The following GABBR2 variants were observed in gnomAD, a reference collection of about 807,000 sequenced individuals.
GABBR2 encodes gamma-aminobutyric acid type B receptor subunit 2.
A neutral mutation model predicts 105.6 loss-of-function variants in GABBR2; 23 were observed. The observed-to-expected ratio is 0.22, with a 90% CI of 0.16 to 0.31. GABBR2 has a LOEUF of 0.31. Ranked by LOEUF, GABBR2 falls within the 10% of genes least tolerant of loss-of-function variation. The pLI is 1.00. For synonymous variants in GABBR2, 478 were observed against 499.7 expected (o/e 0.96, Z 0.58); for missense variants, 734 against 1,245.5 (o/e 0.59, Z 6.18).
intron 7 of GABBR2, among the ~76,000 whole-genome samples, chr9:98,448,738 T>A (rs1826180540): frequency 6.6e-6 from 1 of 152,182 alleles, no homozygotes; most frequent in Admixed American, 6.5e-5. Flanking sequence ...ATTTAGCCTG[T>A]CATAGGCACC....
Position 98,396,934 on chromosome 9 carries a change from C to A in GABBR2, c.1298-2679G>T, listed in dbSNP as rs188828509. Among the ~76,000 whole-genome samples the A allele has an allele frequency of 1.5e-3, 229 of 152,298 alleles. 1 individual carries two copies. Among genetic ancestry groups the A allele is most frequent in the Middle Eastern group, 3.4e-3 (1 of 292 alleles). On this transcript the variant is annotated intron_variant, in intron 8 of 18. Coordinates refer to ENST00000259455, the MANE Select transcript of GABBR2 (RefSeq NM_005458.8). ...GGGCAATGTTGGAGGCTCACAGGCGCTTCACAAGTTCCTGCATTTAATGCT... is the reference window on the plus strand; with the variant it reads ...GGGCAATGTTGGAGGCTCACAGGCGATTCACAAGTTCCTGCATTTAATGCT...
chr9:98,442,835 T>C (rs1826055619), intron 7 of GABBR2, among the ~76,000 whole-genome samples: 1 of 152,246 alleles, frequency 6.6e-6, no homozygotes, highest in Non-Finnish European at 1.5e-5. Context: ...TCCGTATCTC[T>C]GCTTCATCAT....
intron 12 of GABBR2, among the ~76,000 whole-genome samples, chr9:98,364,497 G>A (rs1831641989): frequency 6.6e-6 from 1 of 152,174 alleles, no homozygotes; most frequent in African/African-American, 2.4e-5. Context: ...CCTGCAAGGG[G>A]CATAGATGGC....
chr9:98,662,572 A>G (rs1043105863), intron 1 of GABBR2, among the ~76,000 whole-genome samples: 2 of 152,238 alleles, frequency 1.3e-5, no homozygotes, highest in East Asian at 3.9e-4. Context: ...AGAGCTCCAG[A>G]GAAGGGTAAA....
At chr9:98,453,670 G>T (rs987294932) in intron 7 of GABBR2, among the ~76,000 whole-genome samples, 2 of 152,214 alleles carry the variant, frequency 1.3e-5, no homozygotes, top group Non-Finnish European at 2.9e-5. Flanking sequence ...GCTCTAAAAT[G>T]TAAATAGCCA....
chr9:98,444,879 GCA>G (rs34280193), intron 7 of GABBR2, among the ~76,000 whole-genome samples: 6,858 of 150,954 alleles, frequency 0.045, 295 homozygotes, highest in African/African-American at 0.11. Flanking sequence ...GCGCGCGCGC[GCA>G]CACACACACA....
intron 1 of GABBR2, among the ~76,000 whole-genome samples, chr9:98,580,377 C>T (rs1157622794): frequency 6.6e-6 from 1 of 152,112 alleles, no homozygotes; most frequent in East Asian, 1.9e-4. Flanking sequence ...TTTTTGTTCA[C>T]TTGTAGATTG....
At chr9:98,504,668 CCTGA>C (rs1480184638) in intron 3 of GABBR2, among the ~76,000 whole-genome samples, 1 of 152,214 alleles carries the variant, frequency 6.6e-6, no homozygotes, top group African/African-American at 2.4e-5. Flanking sequence ...ACTCCTCTTA[CCTGA>C]CTAAAGTGTA....
chr9:98,340,476 T>G (rs1345268714), intron 13 of GABBR2, among the ~76,000 whole-genome samples: 2 of 152,006 alleles, frequency 1.3e-5, no homozygotes, highest in Non-Finnish European at 2.9e-5. Flanking sequence ...CCCAGGCTAG[T>G]CTTGAACTCC....
chr9:98,542,842 C>A (rs1487200257), intron 2 of GABBR2, among the ~76,000 whole-genome samples: 1 of 152,142 alleles, frequency 6.6e-6, no homozygotes, highest in Non-Finnish European at 1.5e-5. Flanking sequence ...TAATGCTGAA[C>A]TTTTCCCTAT....
chr9:98,663,790 A>C (rs1217597221), intron 1 of GABBR2, among the ~76,000 whole-genome samples: 1 of 152,118 alleles, frequency 6.6e-6, no homozygotes, highest in East Asian at 1.9e-4. Flanking sequence ...CATCACAACA[A>C]ATATATATAA....
intron 1 of GABBR2, chr9:98,607,001 T>G: frequency 1.1e-6 from 1 of 925,048 alleles, no homozygotes; most frequent in Non-Finnish European, 1.8e-6. Context: ...GCTCGGTAGC[T>G]CAACAGAAGA....
intron 11 of GABBR2, among the ~76,000 whole-genome samples, chr9:98,378,184 C>G (rs1395890107): frequency 1.3e-5 from 2 of 152,178 alleles, no homozygotes; most frequent in African/African-American, 4.8e-5. Context: ...TCCTAGGCAG[C>G]CTTTACCTTT....
intron 3 of GABBR2, among the ~76,000 whole-genome samples, chr9:98,537,237 T>C (rs771742549): frequency 9.2e-5 from 14 of 152,232 alleles, no homozygotes; most frequent in Non-Finnish European, 1.5e-4. Context: ...CACCGCCACA[T>C]GCCACAGCAT....
rs1048596561 is a variant in GABBR2, at chr9:98,391,407, G to A, written c.1379-2403C>T. ...TAGTAAGTGGCAGGATTTGAACTCA[G>A]ATCTGCCTAACCCTGAAGCTTATGG... On this transcript the variant is annotated intron_variant, in intron 9 of 18. Coordinates refer to ENST00000259455, the MANE Select transcript of GABBR2 (RefSeq NM_005458.8). 2.0e-5 allele frequency among the ~76,000 whole-genome samples: 3 copies of A among 152,138 alleles called. No homozygotes were observed. In the South Asian group the frequency reaches 6.2e-4, roughly 32 times the overall value.
In GABBR2 at chr9:98,514,262, G is replaced by A. The variant is rs868083132; in HGVS notation, c.631-17748C>T. 2.2e-5 allele frequency among the ~76,000 whole-genome samples: 3 copies of A among 134,194 alleles called. 1 individual carries two copies. The highest frequency in any genetic ancestry group is 7.9e-5 in the African/African-American group (3 of 38,134). 88.0% of individuals were successfully genotyped at this position (134,194 alleles called of 152,430 possible). Reference sequence around the variant, plus strand: ...CACTCTGGGGACTGTTGTGGGGTAGGGGGAGGGGAGAGGGATAGCATTGGG... The same window carrying A: ...CACTCTGGGGACTGTTGTGGGGTAGAGGGAGGGGAGAGGGATAGCATTGGG... On this transcript the variant is annotated intron_variant, in intron 3 of 18. Coordinates refer to ENST00000259455, the MANE Select transcript of GABBR2 (RefSeq NM_005458.8).
intron 13 of GABBR2, among the ~76,000 whole-genome samples, chr9:98,331,175 C>T (rs886088720): frequency 1.4e-4 from 21 of 152,142 alleles, no homozygotes; most frequent in African/African-American, 4.8e-4. Context: ...GTTGTTTCCA[C>T]TTTTTGGCAT....
intron 13 of GABBR2, among the ~76,000 whole-genome samples, chr9:98,362,304 A>G (rs1831599467): frequency 6.6e-6 from 1 of 152,256 alleles, no homozygotes; most frequent in Non-Finnish European, 1.5e-5. Context: ...GTGAAAAGAA[A>G]TATATTGCCC....
At chr9:98,398,408 G>C (rs150864790) in intron 8 of GABBR2, among the ~76,000 whole-genome samples, 30 of 152,104 alleles carry the variant, frequency 2.0e-4, no homozygotes, top group African/African-American at 6.5e-4. Flanking sequence ...CGGTCACTCT[G>C]AGTAGCCCTG....
Sources: allele counts gnomAD v4.1 joint callset (sites outside exome capture counted in the v4.1 genomes callset), GRCh38; gene constraint gnomAD v4.1.1; transcripts MANE v1.5; gene names NCBI Gene and HGNC (gene_info 2026-07-23, HGNC 2026-07-21).